Variants in NKAIN2 observed in about 807,000 individuals in gnomAD.
NKAIN2 encodes the protein sodium/potassium transporting ATPase interacting 2.
In NKAIN2, 14 loss-of-function variants were observed where a neutral mutation model predicts 32.6. That is an observed-to-expected ratio of 0.43 (90% CI 0.28 to 0.67). The LOEUF (loss-of-function observed/expected upper bound fraction) is 0.67, where lower values mean the gene tolerates loss of function less well. NKAIN2 is among the 30% of genes least tolerant of loss of function. The probability of loss-of-function intolerance (pLI) is 0.17; values close to 1 mark genes in which losing one functional copy is unlikely to be tolerated. For synonymous variants in NKAIN2, 80 were observed against 87.2 expected (o/e 0.92, Z 0.46); for missense variants, 198 against 258.3 (o/e 0.77, Z 1.60).
chr6:124,425,757 T>C (rs1001871863), intron 3 of NKAIN2, among the ~76,000 whole-genome samples: 1 of 152,004 alleles, frequency 6.6e-6, no homozygotes, highest in African/African-American at 2.4e-5. Flanking sequence ...CAATGAGTTA[T>C]GAGCTAATAT....
At chr6:124,149,017 GGT>G (rs1224835388) in intron 1 of NKAIN2, among the ~76,000 whole-genome samples, 2 of 151,866 alleles carry the variant, frequency 1.3e-5, no homozygotes, top group Non-Finnish European at 2.9e-5. Context: ...GGTGTGAAAT[GGT>G]ATCTCATCAT....
intron 1 of NKAIN2, among the ~76,000 whole-genome samples, chr6:124,170,787 A>G (rs1355654754): frequency 6.6e-6 from 1 of 152,166 alleles, no homozygotes; most frequent in Admixed American, 6.5e-5. Context: ...CATTCAGGTG[A>G]TACCTAGGGT....
chr6:124,312,095 T>C (rs191478587), intron 2 of NKAIN2, among the ~76,000 whole-genome samples: 7 of 152,256 alleles, frequency 4.6e-5, no homozygotes, highest in Non-Finnish European at 7.4e-5. Context: ...TTTGCATACA[T>C]GGGAGTATTT....
In NKAIN2 at chr6:124,370,219, G is replaced by T. The variant is rs370301023; in HGVS notation, c.273+14872G>T. Reference sequence around the variant, plus strand: ...TGCAAAACAATACAGAGAAAATGAGGCTATTTAGCTCTCTTTCTTGATTGA... The same window carrying T: ...TGCAAAACAATACAGAGAAAATGAGTCTATTTAGCTCTCTTTCTTGATTGA... On this transcript the variant is annotated intron_variant, in intron 3 of 6. Transcript: ENST00000368417. Among the ~76,000 whole-genome samples, 11 of 151,174 alleles carry T rather than the reference G, an allele frequency of 7.3e-5. 1 individual carries two copies. The South Asian group carries it at 1.7e-3, about 23-fold the overall frequency.
intron 3 of NKAIN2, among the ~76,000 whole-genome samples, chr6:124,521,411 T>C (rs2114797311): frequency 6.6e-6 from 1 of 152,338 alleles, no homozygotes; most frequent in Middle Eastern, 3.4e-3. Context: ...ATGATTTTTC[T>C]TCTTTAGTCA....
intron 1 of NKAIN2, among the ~76,000 whole-genome samples, chr6:124,248,014 C>T (rs577253565): frequency 9.2e-5 from 14 of 152,094 alleles, no homozygotes; most frequent in Non-Finnish European, 1.8e-4. Flanking sequence ...TCATACCACT[C>T]TTTAAAATCG....
chr6:124,117,534 A>T (rs984811688), intron 1 of NKAIN2, among the ~76,000 whole-genome samples: 4 of 152,190 alleles, frequency 2.6e-5, no homozygotes, highest in African/African-American at 9.6e-5. Flanking sequence ...TTGTCATATA[A>T]AGCTACCATT....
chr6:124,118,025 A>G lies in NKAIN2; in HGVS notation c.55-164980A>G, dbSNP rs1179167194. ...TGTAGATAGCTGCAGATTTTTTTCA[A>G]CTGAGGTCTTTGTGACATCAGAGTA... On this transcript the variant is annotated intron_variant, in intron 1 of 6. Coordinates refer to ENST00000368417, the MANE Select transcript of NKAIN2 (RefSeq NM_001040214.3). 2.0e-5 allele frequency among the ~76,000 whole-genome samples: 3 copies of G among 152,026 alleles called. No homozygotes were observed. In the South Asian group the frequency reaches 6.2e-4, roughly 31 times the overall value.
chr6:123,900,617 A>G (rs963905223), intron 1 of NKAIN2, among the ~76,000 whole-genome samples: 1 of 124,676 alleles, frequency 8.0e-6, no homozygotes, highest in Non-Finnish European at 1.6e-5. Context: ...TTTTCCTACA[A>G]TCTGGTTAAC....
chr6:123,981,793 T>C (rs952946209), intron 1 of NKAIN2, among the ~76,000 whole-genome samples: 18 of 152,058 alleles, frequency 1.2e-4, no homozygotes, highest in Non-Finnish European at 1.5e-4. Flanking sequence ...CATGATTTTC[T>C]TGAGATGTGA....
At chr6:124,701,342 ACTTT>A (rs140886273) in intron 4 of NKAIN2, among the ~76,000 whole-genome samples, 262 of 152,188 alleles carry the variant, frequency 1.7e-3, no homozygotes, top group African/African-American at 5.9e-3. Context: ...ATTAATGGTG[ACTTT>A]CTTTGTTTGA....
At chr6:124,823,166 AG>A in intron 6 of NKAIN2, 53 bp from the exon 7 acceptor site, 1 of 1,279,052 alleles carries the variant, frequency 7.8e-7, no homozygotes, top group Non-Finnish European at 1.1e-6. Flanking sequence ...GGTGGTGAGC[AG>A]CAGGCACCTG....
rs533633020 is a variant in NKAIN2 at position 124,476,898 on chromosome 6, TACA to T, written c.273+121556_273+121558del. Among the ~76,000 whole-genome samples, 642 of 152,282 alleles carry T rather than the reference TACA, an allele frequency of 4.2e-3. 4 individuals carry two copies. The highest frequency in any genetic ancestry group is 0.01 in the Middle Eastern group (3 of 294). On this transcript the variant is annotated intron_variant, in intron 3 of 6. Transcript: ENST00000368417. ...ATATGAATTTAGGCAAGCTTCTGTT[TACA>T]ACAATTATTTCTGACAGCATCAAAA...
chr6:123,912,069 TAC>T (rs1472066695), intron 1 of NKAIN2, among the ~76,000 whole-genome samples: 2 of 151,606 alleles, frequency 1.3e-5, no homozygotes, highest in Non-Finnish European at 2.9e-5. Context: ...TTCCCTGAAA[TAC>T]AGAGAGGTAG....
At position 124,136,890 on chromosome 6, in the gene NKAIN2, C is replaced by G. The variant is rs537136938; in HGVS notation, c.55-146115C>G. On this transcript the variant is annotated intron_variant, in intron 1 of 6. Transcript: ENST00000368417. ...AGTAATAAAAGCCATATATGACAGA[C>G]CCACATCTAATATCATACTGAATGG... Among the ~76,000 whole-genome samples the G allele has an allele frequency of 2.5e-4, 38 of 152,134 alleles. No individual in the cohort carries two copies. In the East Asian group the frequency reaches 7.2e-3, roughly 29 times the overall value.
chr6:123,934,398 G>A (rs1319144817), intron 1 of NKAIN2, among the ~76,000 whole-genome samples: 1 of 151,976 alleles, frequency 6.6e-6, no homozygotes, highest in Non-Finnish European at 1.5e-5. Flanking sequence ...ACATATCAAA[G>A]CCTAAGTCCT....
rs1408986466 is a variant in NKAIN2, at chr6:124,823,316, C to G, written c.*87C>G. On this transcript the variant is annotated 3_prime_UTR_variant, in exon 7 of 7. Transcript: ENST00000368417. Reference sequence around the variant, plus strand: ...CCTGCATTTCATGAAGAGCAAGAAGCAACTGAGTTTAAATACATACACGTA... The same window carrying G: ...CCTGCATTTCATGAAGAGCAAGAAGGAACTGAGTTTAAATACATACACGTA... 2.2e-6 allele frequency: 2 copies of G among 915,626 alleles called. No individual in the cohort carries two copies. Among genetic ancestry groups the G allele is most frequent in the Non-Finnish European group, 3.7e-6 (2 of 542,528 alleles). 56.7% of individuals were successfully genotyped at this position (915,626 alleles called of 1,614,324 possible).
rs5879731 is a variant in NKAIN2, at chr6:124,387,294, G to GT, written c.273+31963dup. On this transcript the variant is annotated intron_variant, in intron 3 of 6. Transcript: ENST00000368417. ...AAAAAAAGTTTGGACCTAATTAAAG[G>GT]TTTTTTTTTTTTTTTTAATCACTGT... is the stretch of plus-strand genomic sequence containing the variant. 9.1e-4 allele frequency among the ~76,000 whole-genome samples: 133 copies of GT among 146,458 alleles called. 1 individual carries two copies. Among genetic ancestry groups the GT allele is most frequent in the Middle Eastern group, 7.2e-3 (2 of 278 alleles).
At chr6:124,046,749 G>C (rs1782153932) in intron 1 of NKAIN2, among the ~76,000 whole-genome samples, 1 of 151,918 alleles carries the variant, frequency 6.6e-6, no homozygotes, top group Non-Finnish European at 1.5e-5. Context: ...CTCTACATCT[G>C]ATCTCTGACA....
Sources: allele counts gnomAD v4.1 joint callset (sites outside exome capture counted in the v4.1 genomes callset), GRCh38; gene constraint gnomAD v4.1.1; transcripts MANE v1.5; gene names NCBI Gene and HGNC (gene_info 2026-07-23, HGNC 2026-07-21).